The following CA6 variants were observed in gnomAD, a reference collection of about 807,000 sequenced individuals.
CA6 encodes carbonate dehydratase VI.
A neutral mutation model predicts 35.9 loss-of-function variants in CA6; 28 were observed. The ratio of observed to expected loss-of-function variants is 0.78; its 90% CI spans 0.58 to 1.07. The LOEUF is 1.07. Ranked by LOEUF, CA6 falls within the 50% of genes least tolerant of loss-of-function variation. CA6 has a pLI of 0.00. For missense variants in CA6, 377 were observed against 382.0 expected (o/e 0.99, Z 0.11); for synonymous variants, 148 against 152.6 (o/e 0.97, Z 0.22).
In CA6 at chr1:8,972,295, C is replaced by T. The variant is rs559658875; in HGVS notation, c.844+1314C>T. Among the ~76,000 whole-genome samples the T allele has an allele frequency of 4.6e-5, 7 of 152,260 alleles. No individual in the cohort carries two copies. The East Asian group carries it at 9.7e-4, about 21-fold the overall frequency. Reference sequence around the variant, plus strand: ...CAAACTCCTGGCCACAAGCAATCCTCCCCCCTCAGCCTCCCAAAGTGCTGG... The same window carrying T: ...CAAACTCCTGGCCACAAGCAATCCTTCCCCCTCAGCCTCCCAAAGTGCTGG... On this transcript the variant is annotated intron_variant, in intron 7 of 7. Transcript: ENST00000377443.
At chr1:8,969,463 A>G (rs1289756522) in intron 6 of CA6, among the ~76,000 whole-genome samples, 1 of 152,096 alleles carries the variant, frequency 6.6e-6, no homozygotes. Flanking sequence ...AAGTGAAGAG[A>G]CATTGTGTAC....
At chr1:8,962,691 G>A (rs769692084) in intron 5 of CA6, 35 bp downstream of exon 5, 5 of 1,563,332 alleles carry the variant, frequency 3.2e-6, no homozygotes, top group Non-Finnish European at 4.4e-6. Flanking sequence ...AGGAGGGAAG[G>A]GGAATGAGTG....
At chr1:8,959,078 G>C in intron 4 of CA6, 76 bp downstream of exon 4, 1 of 838,634 alleles carries the variant, frequency 1.2e-6, no homozygotes, top group Admixed American at 1.9e-5. Context: ...AAGTCTAGTT[G>C]AACAGTCTTC....
chr1:8,967,507 A>G, intron 5 of CA6, 152 bp from the exon 6 acceptor site: 1 of 629,492 alleles, frequency 1.6e-6, no homozygotes, highest in South Asian at 2.1e-5. Flanking sequence ...CCTTCCAGGA[A>G]GAAGTAAACT....
intron 3 of CA6, among the ~76,000 whole-genome samples, chr1:8,958,266 C>T (rs967105584): frequency 6.6e-6 from 1 of 152,102 alleles, no homozygotes; most frequent in African/African-American, 2.4e-5. Flanking sequence ...TCCCTGGGTT[C>T]AAATGATTCT....
At chr1:8,970,639 G>T (rs1640084938) in intron 6 of CA6, among the ~76,000 whole-genome samples, 1 of 152,080 alleles carries the variant, frequency 6.6e-6, no homozygotes, top group Non-Finnish European at 1.5e-5. Flanking sequence ...CTCCTGAGTA[G>T]CTGGGATTAC....
chr1:8,951,774 G>A (rs1002608359), intron 2 of CA6: 10 of 676,480 alleles, frequency 1.5e-5, no homozygotes, highest in African/African-American at 5.4e-5. Context: ...ACAGCATGTC[G>A]GACATTAGAG....
intron 5 of CA6, among the ~76,000 whole-genome samples, chr1:8,965,167 C>A (rs902565544): frequency 2.0e-5 from 3 of 152,222 alleles, no homozygotes; most frequent in Admixed American, 2.0e-4. Flanking sequence ...TCGCTTAAAC[C>A]CGGGAGGTGG....
At chr1:8,959,991 G>C (rs1557626677) in intron 4 of CA6, among the ~76,000 whole-genome samples, 1 of 148,244 alleles carries the variant, frequency 6.7e-6, no homozygotes, top group East Asian at 2.0e-4. Context: ...CAGCACTTTG[G>C]GAGGCTGAGG....
intron 6 of CA6, among the ~76,000 whole-genome samples, chr1:8,968,630 T>C (rs924934596): frequency 2.0e-5 from 3 of 152,150 alleles, no homozygotes; most frequent in African/African-American, 7.2e-5. Flanking sequence ...GGTTTAAATA[T>C]GAGAAAAGAG....
intron 6 of CA6, 51 bp from the exon 7 acceptor site, chr1:8,970,816 T>G (rs200743713): frequency 3.4e-6 from 4 of 1,168,366 alleles, no homozygotes; most frequent in Non-Finnish European, 5.2e-6. Context: ...TTATTTCTTT[T>G]AAATTACCCA....
chr1:8,960,367 C>A (rs1569696050), intron 4 of CA6, among the ~76,000 whole-genome samples: 1 of 148,228 alleles, frequency 6.7e-6, no homozygotes, highest in Non-Finnish European at 1.5e-5. Context: ...GACTTTAAAA[C>A]AACTATCAAT....
rs185651797 is a variant in CA6, at chr1:8,954,369, C to T, written c.260-2768C>T. On this transcript the variant is annotated intron_variant, in intron 2 of 7. Coordinates refer to ENST00000377443, the MANE Select transcript of CA6 (RefSeq NM_001215.4). ...TAGTAAAGACGGGGTTTCGCCATGTCGGCCAGGCTGGTCTTGAACTCCTGA... is the reference window on the plus strand; with the variant it reads ...TAGTAAAGACGGGGTTTCGCCATGTTGGCCAGGCTGGTCTTGAACTCCTGA... Among the ~76,000 whole-genome samples the T allele has an allele frequency of 1.1e-4, 16 of 152,062 alleles. No individual in the cohort carries two copies. The East Asian group carries it at 2.3e-3, about 22-fold the overall frequency.
intron 5 of CA6, among the ~76,000 whole-genome samples, chr1:8,966,316 G>T (rs1301124186): frequency 6.6e-6 from 1 of 151,854 alleles, no homozygotes; most frequent in East Asian, 1.9e-4. Flanking sequence ...CATCATGTTG[G>T]CCAGGCTGGT....
At chr1:8,947,035 C>T (rs1460598309) in intron 1 of CA6, among the ~76,000 whole-genome samples, 1 of 151,948 alleles carries the variant, frequency 6.6e-6, no homozygotes, top group African/African-American at 2.4e-5. Flanking sequence ...AACTTCTGAC[C>T]TCAAGTGATC....
chr1:8,960,787 CACAT>C (rs1300864650), intron 4 of CA6, among the ~76,000 whole-genome samples: 18 of 95,036 alleles, frequency 1.9e-4, no homozygotes, highest in African/African-American at 9.6e-4. Flanking sequence ...CACACACACA[CACAT>C]ATATATAATG....
chr1:8,969,806 G>A (rs1207016969), intron 6 of CA6, among the ~76,000 whole-genome samples: 5 of 152,176 alleles, frequency 3.3e-5, no homozygotes, highest in African/African-American at 1.2e-4. Context: ...CAGCCACAGT[G>A]AAAGTCAGAA....
chr1:8,973,685 C>T (rs116108491), intron 7 of CA6, among the ~76,000 whole-genome samples: 1,705 of 147,574 alleles, frequency 0.012, 33 homozygotes, highest in African/African-American at 0.041. Context: ...CCCACCTTCC[C>T]TCAGGCCTGG....
intron 4 of CA6, among the ~76,000 whole-genome samples, chr1:8,961,420 GGAT>G (rs1480043800): frequency 4.6e-5 from 7 of 152,108 alleles, no homozygotes; most frequent in African/African-American, 9.7e-5. Context: ...AAAAATAGAA[GGAT>G]GAGGATGAAA....
Sources: allele counts gnomAD v4.1 joint callset (sites outside exome capture counted in the v4.1 genomes callset), GRCh38; gene constraint gnomAD v4.1.1; transcripts MANE v1.5; gene names NCBI Gene and HGNC (gene_info 2026-07-23, HGNC 2026-07-21).